The following MAPRE1 variants were observed in gnomAD, a reference collection of about 807,000 sequenced individuals.
MAPRE1 encodes microtubule-associated protein RP/EB family member 1.
MAPRE1 carries 5 observed loss-of-function variants against 32.1 expected under a neutral mutation model. That is an observed-to-expected ratio of 0.16 (90% CI 0.08 to 0.33). The LOEUF is 0.33. MAPRE1 is among the 10% of genes least tolerant of loss of function. MAPRE1 has a pLI of 1.00. For missense variants in MAPRE1, 209 were observed against 327.2 expected (o/e 0.64, Z 2.79); for synonymous variants, 122 against 118.9 (o/e 1.03, Z -0.17).
intron 2 of MAPRE1, among the ~76,000 whole-genome samples, chr20:32,831,562 T>C (rs1983027080): frequency 1.3e-5 from 2 of 151,588 alleles, no homozygotes; most frequent in Non-Finnish European, 2.9e-5. Context: ...GGAGTCTTGC[T>C]CTGTCTCCCA....
intron 4 of MAPRE1, 104 bp from the exon 5 acceptor site, chr20:32,839,631 C>G: frequency 6.7e-7 from 1 of 1,487,336 alleles, no homozygotes; most frequent in Non-Finnish European, 9.1e-7. Flanking sequence ...CACTGAACAC[C>G]TGTGCAAGGC....
chr20:32,835,234 T>TTG (rs1983154849), intron 3 of MAPRE1, among the ~76,000 whole-genome samples: 1 of 152,132 alleles, frequency 6.6e-6, no homozygotes, highest in Admixed American at 6.5e-5. Context: ...CTAAAAAAGA[T>TTG]TAAAAAGTTA....
chr20:32,820,232 G>T (rs1279081756), intron 1 of MAPRE1, among the ~76,000 whole-genome samples: 1 of 147,978 alleles, frequency 6.8e-6, no homozygotes, highest in Non-Finnish European at 1.5e-5. Context: ...TGCTCAGGGG[G>T]CGGGGTCTCG....
chr20:32,836,924 C>A (rs764292316), intron 4 of MAPRE1, 83 bp downstream of exon 4: 105 of 1,214,166 alleles, frequency 8.6e-5, no homozygotes, highest in Admixed American at 1.0e-4. Context: ...TTTTCAGTAG[C>A]CATAGGCTTA....
chr20:32,846,898 A>G (rs1472883552), intron 6 of MAPRE1, 128 bp downstream of exon 6: 17 of 971,154 alleles, frequency 1.8e-5, no homozygotes, highest in Non-Finnish European at 2.7e-5. Context: ...CCTCAAAGTC[A>G]GCCAGAGGGC....
At chr20:32,834,560 T>C (rs1045449021) in intron 3 of MAPRE1, among the ~76,000 whole-genome samples, 1 of 152,108 alleles carries the variant, frequency 6.6e-6, no homozygotes, top group African/African-American at 2.4e-5. Flanking sequence ...TTTTTTTTTA[T>C]GGCAAAGGTA....
chr20:32,825,917 T>C lies in MAPRE1; in HGVS notation c.-3-8T>C. 1 of 1,578,748 alleles carries C rather than the reference T, an allele frequency of 6.3e-7. No homozygotes were observed. Among genetic ancestry groups the C allele is most frequent in the Admixed American group, 1.7e-5 (1 of 59,606 alleles). On this transcript the variant is annotated splice_polypyrimidine_tract_variant and splice_region_variant and intron_variant, in intron 1 of 6. Transcript: ENST00000375571. ...CACAGGCCCTTCTCTTTTCTTCCCATGCTTTAGAAGATGGCAGTGAACGTA... is the reference window on the plus strand; with the variant it reads ...CACAGGCCCTTCTCTTTTCTTCCCACGCTTTAGAAGATGGCAGTGAACGTA...
At chr20:32,836,956 C>T in intron 4 of MAPRE1, 115 bp downstream of exon 4, 4 of 920,506 alleles carry the variant, frequency 4.3e-6, no homozygotes, top group Non-Finnish European at 6.5e-6. Flanking sequence ...AAATATAATC[C>T]CAGGCATGTG....
chr20:32,833,029 G>T (rs906158956), intron 2 of MAPRE1, among the ~76,000 whole-genome samples: 7 of 151,744 alleles, frequency 4.6e-5, no homozygotes, highest in Non-Finnish European at 8.8e-5. Context: ...GGTTGGCTGG[G>T]TGCTCTACAA....
chr20:32,830,331 G>C (rs755203245), intron 2 of MAPRE1, among the ~76,000 whole-genome samples: 1 of 152,172 alleles, frequency 6.6e-6, no homozygotes, highest in Non-Finnish European at 1.5e-5. Context: ...TATCACACCT[G>C]TAACCAGGCC....
chr20:32,823,956 G>C (rs117337055), intron 1 of MAPRE1, among the ~76,000 whole-genome samples: 31 of 152,258 alleles, frequency 2.0e-4, no homozygotes, highest in Non-Finnish European at 4.3e-4. Context: ...CCCACCTCAG[G>C]CTCTGCTCTC....
intron 4 of MAPRE1, 79 bp downstream of exon 4, chr20:32,836,920 G>T: frequency 1.1e-5 from 14 of 1,239,642 alleles, no homozygotes; most frequent in Non-Finnish European, 2.3e-6. Context: ...ATTTTTTTCA[G>T]TAGCCATAGG....
chr20:32,837,369 C>T (rs772214208), intron 4 of MAPRE1, among the ~76,000 whole-genome samples: 5 of 152,186 alleles, frequency 3.3e-5, no homozygotes, highest in South Asian at 2.1e-4. Flanking sequence ...AGAACTTTAG[C>T]TGCTAGGTGA....
chr20:32,839,953 C>A, intron 5 of MAPRE1, 97 bp downstream of exon 5: 1 of 1,521,980 alleles, frequency 6.6e-7, no homozygotes, highest in Non-Finnish European at 9.0e-7. Context: ...GAACACCTGC[C>A]TTGTTTGCTT....
chr20:32,832,431 G>A (rs1983056784), intron 2 of MAPRE1, among the ~76,000 whole-genome samples: 1 of 151,392 alleles, frequency 6.6e-6, no homozygotes, highest in Admixed American at 6.6e-5. Flanking sequence ...GAATGAAATG[G>A]GATGAAATAT....
At chr20:32,842,187 G>A (rs770236473) in intron 5 of MAPRE1, among the ~76,000 whole-genome samples, 14 of 152,224 alleles carry the variant, frequency 9.2e-5, no homozygotes, top group African/African-American at 3.1e-4. Flanking sequence ...CTGGGTTCAC[G>A]CCATTCTCCT....
At chr20:32,837,526 A>G (rs1983234543) in intron 4 of MAPRE1, among the ~76,000 whole-genome samples, 1 of 152,146 alleles carries the variant, frequency 6.6e-6, no homozygotes, top group Non-Finnish European at 1.5e-5. Flanking sequence ...GGGGCAGGGT[A>G]GATACTCTAC....
rs1382471603 is a variant in MAPRE1, at chr20:32,833,827, C to T, written c.232C>T (p.Leu78=). 1 of 1,613,926 alleles carries T rather than the reference C, an allele frequency of 6.2e-7. No individual in the cohort carries two copies. The highest frequency in any genetic ancestry group is 2.2e-5 in the East Asian group (1 of 44,874). The change falls in exon 3 of 7, where the codon CTA becomes TTA. Residue 78 remains leucine, a synonymous_variant. Coordinates refer to ENST00000375571, the MANE Select transcript of MAPRE1 (RefSeq NM_012325.3). ...CGAGTACATCCAGAACTTCAAAATACTACAAGCAGGTTTTAAGAGAATGGG... is the reference window on the plus strand; with the variant it reads ...CGAGTACATCCAGAACTTCAAAATATTACAAGCAGGTTTTAAGAGAATGGG... ...EHEYIQNFKI[L]QAGFKRMGVD... is the part of the protein sequence containing the mutation.
chr20:32,835,613 T>C (rs1457229591), intron 3 of MAPRE1, among the ~76,000 whole-genome samples: 1 of 152,084 alleles, frequency 6.6e-6, no homozygotes, highest in Non-Finnish European at 1.5e-5. Context: ...TTCTTTTCTT[T>C]CTTTTTTTTT....
Sources: gnomAD v4.1 joint callset for allele counts (sites outside exome capture counted in the v4.1 genomes callset) on GRCh38, gnomAD v4.1.1 for gene constraint, MANE v1.5 for transcripts, NCBI Gene and HGNC (gene_info 2026-07-23, HGNC 2026-07-21) for gene names.